Variants in AMZ1 observed in about 807,000 individuals in gnomAD.
AMZ1 encodes the protein archaelysin family metallopeptidase 1.
AMZ1 carries 39 observed loss-of-function variants against 29.9 expected under a neutral mutation model. That is an observed-to-expected ratio of 1.30 (90% confidence interval 1.01 to 1.70). AMZ1 has a LOEUF of 1.70. AMZ1 is among the 40% of genes most tolerant of loss of function. The probability of loss-of-function intolerance (pLI) is 0.00; values close to 1 mark genes in which losing one functional copy is unlikely to be tolerated. For synonymous variants in AMZ1, 458 were observed against 304.0 expected, an observed-to-expected ratio of 1.51 and a Z score of -5.27; for missense variants, 1,041 against 680.6, an observed-to-expected ratio of 1.53 and a Z score of -5.89.
intron 4 of AMZ1, among the ~76,000 whole-genome samples, chr7:2,758,753 C>T (rs1320328260): frequency 6.6e-6 from 1 of 152,186 alleles, no homozygotes; most frequent in East Asian, 1.9e-4. Context: ...GCCACCAGTG[C>T]CCACCTCTGG....
chr7:2,744,558 A>G (rs1332425977), intron 4 of AMZ1, among the ~76,000 whole-genome samples: 1 of 152,218 alleles, frequency 6.6e-6, no homozygotes, highest in African/African-American at 2.4e-5. Context: ...AAAAGACCAC[A>G]AAGATGGGGA....
At chr7:2,710,703 C>T (rs767538263) in intron 6 of AMZ1, among the ~76,000 whole-genome samples, 1 of 152,162 alleles carries the variant, frequency 6.6e-6, no homozygotes, top group Non-Finnish European at 1.5e-5. Flanking sequence ...CTCTGGCAGT[C>T]AAGGGAAGGT....
chr7:2,721,897 A>G (rs1789437155), downstream of AMZ1, among the ~76,000 whole-genome samples: 1 of 152,216 alleles, frequency 6.6e-6, no homozygotes, highest in Non-Finnish European at 1.5e-5. Context: ...CGTGGCTATA[A>G]CATATATTTT....
chr7:2,687,142 GA>G (rs1337304438), upstream of AMZ1, among the ~76,000 whole-genome samples: 1 of 152,030 alleles, frequency 6.6e-6, no homozygotes, highest in African/African-American at 2.4e-5. Flanking sequence ...GCCTGGCCAA[GA>G]AGGTGAAACC....
chr7:2,715,853 C>T lies in AMZ1; in HGVS notation c.*2975C>T, dbSNP rs1789091817. 1 of 152,230 alleles carries T rather than the reference C, an allele frequency of 6.6e-6. No homozygotes were observed. Among genetic ancestry groups the T allele is most frequent in the Non-Finnish European group, 1.5e-5 (1 of 68,034 alleles). 9.4% of individuals were successfully genotyped at this position (152,230 alleles called of 1,614,324 possible). On this transcript the variant is annotated 3_prime_UTR_variant, in exon 7 of 7. Coordinates refer to ENST00000683327, the MANE Select transcript of AMZ1 (RefSeq NM_001384743.1). ...CGAATCTTTCTAAACTTAAGTGCTG[C>T]AGAAGTTGAACTGAGATTAAATTTA...
chr7:2,710,083 CCT>C (rs781720533), intron 6 of AMZ1, among the ~76,000 whole-genome samples: 2 of 152,198 alleles, frequency 1.3e-5, no homozygotes, highest in East Asian at 3.8e-4. Context: ...GGCTTTTCTC[CCT>C]CTGTCAGGAA....
intron 4 of AMZ1, among the ~76,000 whole-genome samples, chr7:2,750,328 C>T (rs541753538): frequency 6.6e-6 from 1 of 152,266 alleles, no homozygotes; most frequent in South Asian, 2.1e-4. Flanking sequence ...CGCAGTTTAC[C>T]AGGAACAGAA....
chr7:2,703,567 G>A (rs1583164508), intron 3 of AMZ1, among the ~76,000 whole-genome samples: 1 of 152,308 alleles, frequency 6.6e-6, no homozygotes, highest in African/African-American at 2.4e-5. Context: ...GGTGACTGGA[G>A]AGTGTGAGGC....
intron 4 of AMZ1, among the ~76,000 whole-genome samples, chr7:2,759,048 G>A (rs1275091151): frequency 6.6e-6 from 1 of 151,922 alleles, no homozygotes; most frequent in African/African-American, 2.4e-5. Context: ...GCTGAGGCAG[G>A]AGAATCACTT....
At chr7:2,755,644 G>A (rs1030697161) in intron 4 of AMZ1, among the ~76,000 whole-genome samples, 1 of 152,128 alleles carries the variant, frequency 6.6e-6, no homozygotes, top group African/African-American at 2.4e-5. Flanking sequence ...GACTTTTCTG[G>A]TAGATTCCTT....
In AMZ1 at chr7:2,734,190, C is replaced by T. The variant is rs1247632955; in HGVS notation, n.550+24374C>T. 1.7e-4 allele frequency among the ~76,000 whole-genome samples: 26 copies of T among 152,192 alleles called. 1 individual carries two copies. The highest frequency in any genetic ancestry group is 1.6e-4 in the Non-Finnish European group (11 of 68,042). On this transcript the variant is annotated intron_variant and non_coding_transcript_variant, in intron 4 of 4. Coordinates refer to the AMZ1 transcript ENST00000489665. ...TCACCCAGGACCCCGTTTCAGGAAG[C>T]GCTGAGCCGCCAAATGCGAGGCACA...
rs565467541 is a variant in AMZ1, at chr7:2,715,194, C to G, written c.*2316C>G. 6.6e-6 allele frequency: 1 copy of G among 152,414 alleles called. No individual in the cohort carries two copies. Among genetic ancestry groups the G allele is most frequent in the Non-Finnish European group, 1.5e-5 (1 of 68,044 alleles). 9.4% of individuals were successfully genotyped at this position (152,414 alleles called of 1,614,324 possible). A position where few individuals can be genotyped will look rare whatever the true frequency, so the allele number is the denominator to read the frequency against. On this transcript the variant is annotated 3_prime_UTR_variant, in exon 7 of 7. Coordinates refer to ENST00000683327, the MANE Select transcript of AMZ1 (RefSeq NM_001384743.1). ...CACAGAGCGTCACCTTTCCTGCACTCCACGGCGGCAGTGACAAGGACCCCA... is the reference window on the plus strand; with the variant it reads ...CACAGAGCGTCACCTTTCCTGCACTGCACGGCGGCAGTGACAAGGACCCCA...
intron 4 of AMZ1, chr7:2,733,583 G>C (rs547403146): frequency 9.3e-7 from 1 of 1,075,436 alleles, no homozygotes; most frequent in South Asian, 1.3e-5. Flanking sequence ...AACAGGGTAA[G>C]AGCAGTGGCA....
At chr7:2,722,530 C>T (rs1397521343), downstream of AMZ1, among the ~76,000 whole-genome samples, 1 of 152,196 alleles carries the variant, frequency 6.6e-6, no homozygotes, top group Non-Finnish European at 1.5e-5. Flanking sequence ...CTCAGCCTCC[C>T]CAAGTGCTGG....
rs557885962 is a variant in AMZ1 at position 2,716,777 on chromosome 7, C to G, written c.*3899C>G. Among the ~76,000 whole-genome samples, 1 of 152,198 alleles carries G rather than the reference C, an allele frequency of 6.6e-6. No homozygotes were observed. Among genetic ancestry groups the G allele is most frequent in the East Asian group, 1.9e-4 (1 of 5,190 alleles). On this transcript the variant is annotated 3_prime_UTR_variant, in exon 7 of 7. Coordinates refer to ENST00000683327, the MANE Select transcript of AMZ1 (RefSeq NM_001384743.1). The stretch of plus-strand genomic sequence containing the variant: ...CAACTCCACCGCTTAAGGGGTCCTT[C>G]CTATGTAACGGAATTTTTTTACATC...
intron 1 of AMZ1, among the ~76,000 whole-genome samples, chr7:2,694,726 G>A (rs1787602965): frequency 6.6e-6 from 1 of 151,238 alleles, no homozygotes; most frequent in Non-Finnish European, 1.5e-5. Flanking sequence ...AGGCTGGAGT[G>A]CAGTGGCGCG....
rs1562376647 is a variant in AMZ1 at position 2,712,846 on chromosome 7, GC to G, written c.1471del (p.Arg491ValfsTer20). 3 of 1,525,806 alleles carry G rather than the reference GC, an allele frequency of 2.0e-6. No individual in the cohort carries two copies. Among genetic ancestry groups the G allele is most frequent in the African/African-American group, 1.4e-5 (1 of 72,340 alleles). The allele number at this position is 1,525,806 out of a possible 1,614,324, so 94.5% of individuals were successfully genotyped here. ...CCGAAAACTCGCCAGAGCAGAGTCG[GC>G]CCCCCGTCCCTGGGATGGGGAAGAG... ...SARKLARAES[A>X]PRPWDGEES On this transcript the variant is annotated frameshift_variant, in exon 7 of 7. Transcript: ENST00000683327. LOFTEE classifies it high-confidence loss of function.
chr7:2,681,250 G>C (rs1341421491), intron 1 of AMZ1, among the ~76,000 whole-genome samples: 1 of 152,036 alleles, frequency 6.6e-6, no homozygotes, highest in African/African-American at 2.4e-5. Context: ...TTTGAGACGG[G>C]GTCTCACTCT....
At chr7:2,710,365 T>C (rs1023938326) in intron 6 of AMZ1, among the ~76,000 whole-genome samples, 2 of 152,230 alleles carry the variant, frequency 1.3e-5, no homozygotes, top group Non-Finnish European at 2.9e-5. Flanking sequence ...GAGTTCTGAG[T>C]GCAAAGGCAG....
Sources: allele counts gnomAD v4.1 joint callset (sites outside exome capture counted in the v4.1 genomes callset), GRCh38; gene constraint gnomAD v4.1.1; transcripts MANE v1.5; gene names NCBI Gene and HGNC (gene_info 2026-07-23, HGNC 2026-07-21).